TNR: variants seen among roughly 807,000 people sequenced by gnomAD.
The protein encoded by TNR is tenascin-R.
TNR carries 45 observed loss-of-function variants against 150.4 expected under a neutral mutation model. The observed-to-expected ratio is 0.30, with a 90% CI of 0.24 to 0.38. The LOEUF (loss-of-function observed/expected upper bound fraction) is 0.38. TNR is among the 10% of genes least tolerant of loss of function. The pLI is 1.00. For synonymous variants in TNR, 687 were observed against 678.4 expected (o/e 1.01, Z -0.20); for missense variants, 1,544 against 1,759.1 (o/e 0.88, Z 2.19).
intron 1 of TNR, chr1:175,556,876 A>G (rs912436223): frequency 4.6e-5 from 7 of 152,162 alleles, no homozygotes; most frequent in African/African-American, 1.7e-4. Flanking sequence ...GGGACCATTG[A>G]TGCTCTTCTA....
At chr1:175,493,281 A>C (rs1658338174) in intron 2 of TNR, among the ~76,000 whole-genome samples, 1 of 152,192 alleles carries the variant, frequency 6.6e-6, no homozygotes, top group Non-Finnish European at 1.5e-5. Flanking sequence ...CCAGAAAAGG[A>C]GAAAGGTGAA....
chr1:175,669,622 AG>A (rs1461748126), intron 1 of TNR, among the ~76,000 whole-genome samples: 1 of 152,242 alleles, frequency 6.6e-6, no homozygotes. Flanking sequence ...AGGCCCTACA[AG>A]AGTGTTAATG....
rs576501381 is a variant in TNR, at chr1:175,670,946, T to TG, written c.-165+72279dup. Among the ~76,000 whole-genome samples the TG allele has an allele frequency of 1.8e-3, 268 of 152,082 alleles. 1 individual carries two copies. The highest frequency in any genetic ancestry group is 3.9e-3 in the African/African-American group (160 of 41,510). ...GAAAGATCACTCTGAGAGTGCTCTG[T>TG]GGGGGGTAGGTTGGAGGAAGAATGA... On this transcript the variant is annotated intron_variant, in intron 1 of 22. Transcript: ENST00000367674.
chr1:175,495,505 C>T (rs1281739114), intron 2 of TNR, among the ~76,000 whole-genome samples: 1 of 152,202 alleles, frequency 6.6e-6, no homozygotes, highest in Non-Finnish European at 1.5e-5. Context: ...TTATTGAAGG[C>T]ATGAGTGAGC....
At chr1:175,327,550 G>A (rs147659409) in intron 21 of TNR, among the ~76,000 whole-genome samples, 17 of 152,238 alleles carry the variant, frequency 1.1e-4, no homozygotes, top group African/African-American at 4.1e-4. Flanking sequence ...GTGCTACCAT[G>A]TTAAGACTGA....
intron 12 of TNR, among the ~76,000 whole-genome samples, 173 bp from the exon 13 acceptor site, chr1:175,364,000 C>T (rs898323479): frequency 6.6e-6 from 1 of 152,132 alleles, no homozygotes; most frequent in African/African-American, 2.4e-5. Context: ...CACTTGAAAC[C>T]TTGTAGGTAT....
intron 1 of TNR, among the ~76,000 whole-genome samples, chr1:175,710,853 C>G (rs1417292110): frequency 6.6e-6 from 1 of 152,128 alleles, no homozygotes; most frequent in African/African-American, 2.4e-5. Context: ...TTCTCATTTC[C>G]TGCACAATAA....
chr1:175,526,011 G>GT (rs35322034), intron 2 of TNR, among the ~76,000 whole-genome samples: 30,603 of 147,186 alleles, frequency 0.21, 3,486 homozygotes, highest in African/African-American at 0.3. Flanking sequence ...ACTTTTGCTG[G>GT]TTTTTTTTTT....
chr1:175,629,980 C>G lies in TNR; in HGVS notation c.-164-101611G>C, dbSNP rs186360658. Among the ~76,000 whole-genome samples the G allele has an allele frequency of 1.9e-3, 287 of 152,310 alleles. 1 individual carries two copies. Among genetic ancestry groups the G allele is most frequent in the Non-Finnish European group, 1.9e-3 (128 of 68,016 alleles). ...CTTTAGGCTGAACCTCAGACCCATA[C>G]TGAGTCCTGGGGAGGGACTTTCTGG... On this transcript the variant is annotated intron_variant, in intron 1 of 22. Transcript: ENST00000367674.
At chr1:175,574,203 C>T (rs963995505) in intron 1 of TNR, among the ~76,000 whole-genome samples, 9 of 152,132 alleles carry the variant, frequency 5.9e-5, no homozygotes, top group Non-Finnish European at 1.2e-4. Context: ...ATTACCATGG[C>T]CTTAAATGAT....
intron 18 of TNR, among the ~76,000 whole-genome samples, chr1:175,352,237 G>A (rs931479342): frequency 2.0e-5 from 3 of 152,142 alleles, no homozygotes; most frequent in Non-Finnish European, 4.4e-5. Context: ...AGAGACTTGA[G>A]GCACATTGTC....
chr1:175,558,730 CTTCT>C (rs1252797724), intron 1 of TNR, among the ~76,000 whole-genome samples: 2 of 151,898 alleles, frequency 1.3e-5, no homozygotes, highest in East Asian at 1.9e-4. Flanking sequence ...TTCCTCTTTC[CTTCT>C]TTATTATAAT....
intron 1 of TNR, among the ~76,000 whole-genome samples, chr1:175,730,402 G>A (rs1009175801): frequency 6.6e-5 from 10 of 152,156 alleles, no homozygotes; most frequent in South Asian, 2.1e-4. Context: ...ACAATGCTAG[G>A]AAGTTATCTT....
At chr1:175,653,429 C>T (rs1039462867) in intron 1 of TNR, among the ~76,000 whole-genome samples, 1 of 152,032 alleles carries the variant, frequency 6.6e-6, no homozygotes, top group Non-Finnish European at 1.5e-5. Context: ...CAAAACAACA[C>T]TATATATGGT....
At chr1:175,347,501 C>T (rs1377376239) in intron 18 of TNR, among the ~76,000 whole-genome samples, 1 of 152,020 alleles carries the variant, frequency 6.6e-6, no homozygotes, top group Non-Finnish European at 1.5e-5. Flanking sequence ...CATCTCGGCT[C>T]ACAGCAGCCT....
chr1:175,417,071 G>GAAATAAATAAATAAATAAAT (rs1236322486), intron 2 of TNR, among the ~76,000 whole-genome samples: 2 of 119,694 alleles, frequency 1.7e-5, no homozygotes, highest in South Asian at 5.2e-4. Flanking sequence ...AAGAAAGAAA[G>GAAATAAATAAATAAATAAAT]AAAGAAATCT....
intron 2 of TNR, among the ~76,000 whole-genome samples, chr1:175,490,598 G>A (rs566797243): frequency 3.2e-4 from 49 of 152,014 alleles, no homozygotes; most frequent in African/African-American, 1.1e-3. Context: ...ACATTCATGT[G>A]GCCAAAAAAC....
intron 20 of TNR, among the ~76,000 whole-genome samples, chr1:175,332,726 C>T (rs969928055): frequency 6.6e-6 from 1 of 152,184 alleles, no homozygotes; most frequent in Admixed American, 6.5e-5. Context: ...CCTGCCTTCC[C>T]TCCTTTTCAT....
chr1:175,657,855 A>ATG lies in TNR; in HGVS notation c.-165+85370_-165+85371insCA, dbSNP rs1558058610. Among the ~76,000 whole-genome samples, 272 of 99,672 alleles carry ATG rather than the reference A, an allele frequency of 2.7e-3. 2 individuals carry two copies. Among genetic ancestry groups the ATG allele is most frequent in the Admixed American group, 8.1e-3 (81 of 10,026 alleles). The allele number at this position is 99,672 out of a possible 152,430, so 65.4% of individuals were successfully genotyped here. A position where few individuals can be genotyped will look rare whatever the true frequency, so the allele number is the denominator to read the frequency against. ...TGCAGCACACCAACATGGAACATGT[A>ATG]TATATATATATATATATATATATAT... On this transcript the variant is annotated intron_variant, in intron 1 of 22. Transcript: ENST00000367674.
Sources: allele counts gnomAD v4.1 joint callset (sites outside exome capture counted in the v4.1 genomes callset), GRCh38; gene constraint gnomAD v4.1.1; transcripts MANE v1.5; gene names NCBI Gene and HGNC (gene_info 2026-07-23, HGNC 2026-07-21).